Variants in LARP1B observed in about 807,000 individuals in gnomAD.
LARP1B encodes the protein La ribonucleoprotein 1B, also known as la-related protein 1B.
A neutral mutation model predicts 114.2 loss-of-function variants in LARP1B; 76 were observed. The observed-to-expected ratio is 0.67, with a 90% CI of 0.55 to 0.81. LARP1B has a LOEUF of 0.81. Among genes scored for constraint, LARP1B ranks in the 30% least tolerant of loss-of-function variants. The probability of loss-of-function intolerance (pLI) is 0.00; values close to 1 mark genes in which losing one functional copy is unlikely to be tolerated. For missense variants in LARP1B, 1,014 were observed against 1,075.8 expected (o/e 0.94, Z 0.80); for synonymous variants, 345 against 348.0 (o/e 0.99, Z 0.10).
chr4:128,202,397 A>G (rs1389119961), intron 17 of LARP1B, among the ~76,000 whole-genome samples: 1 of 151,770 alleles, frequency 6.6e-6, no homozygotes, highest in Non-Finnish European at 1.5e-5. Context: ...ATTCATACAT[A>G]TGAATTTAAT....
intron 5 of LARP1B, among the ~76,000 whole-genome samples, chr4:128,084,013 C>T (rs1391884254): frequency 6.6e-6 from 1 of 152,000 alleles, no homozygotes; most frequent in Non-Finnish European, 1.5e-5. Context: ...GTGCTCCCCA[C>T]ATCTCAGACG....
intron 11 of LARP1B, among the ~76,000 whole-genome samples, chr4:128,129,510 A>G (rs1000427267): frequency 6.6e-6 from 1 of 152,170 alleles, no homozygotes. Flanking sequence ...AGTATACCCA[A>G]TCAAAATCCC....
At position 128,122,066 on chromosome 4, in the gene LARP1B, G is replaced by A. The variant is rs986596199; in HGVS notation, c.1402G>A (p.Gly468Ser). 1.2e-6 allele frequency: 2 copies of A among 1,614,032 alleles called. No individual in the cohort carries two copies. Among genetic ancestry groups the A allele is most frequent in the African/African-American group, 1.3e-5 (1 of 75,028 alleles). ...VKKHPGGDRTGTHMSRAKITS... is the reference protein window; with the variant it reads ...VKKHPGGDRTSTHMSRAKITS... ...AAAACATCCTGGAGGAGATCGAACA[G>A]GCACCCACATGTCTCGGGCAAAAAT... Residue 468 changes from glycine to serine, a missense_variant, in exon 11 of 20, where the codon GGC becomes AGC. Physicochemically the swap from Gly to Ser is moderately conservative, Grantham distance 56. Coordinates refer to ENST00000326639, the MANE Select transcript of LARP1B (RefSeq NM_018078.4).
chr4:128,219,684 T>C (rs1327633294), intron 6 of LARP1B, among the ~76,000 whole-genome samples: 13 of 136,990 alleles, frequency 9.5e-5, no homozygotes, highest in African/African-American at 3.5e-4. Flanking sequence ...TTGGGAGATA[T>C]ACCTAATGCT....
intron 1 of LARP1B, among the ~76,000 whole-genome samples, chr4:128,062,705 TC>T (rs1214036590): frequency 6.8e-6 from 1 of 146,486 alleles, no homozygotes; most frequent in Admixed American, 7.2e-5. Context: ...AAAAAGGTTT[TC>T]AAAACACTGC....
At chr4:128,098,950 G>C (rs1243708457) in intron 8 of LARP1B, among the ~76,000 whole-genome samples, 2 of 149,830 alleles carry the variant, frequency 1.3e-5, no homozygotes, top group Non-Finnish European at 3.0e-5. Flanking sequence ...GCTAATTTTT[G>C]TATTTTTATT....
chr4:128,213,729 C>T (rs996316658), downstream of LARP1B, among the ~76,000 whole-genome samples: 5 of 152,202 alleles, frequency 3.3e-5, no homozygotes, highest in African/African-American at 1.2e-4. Context: ...AACTCCTCCT[C>T]CTCCTTTTAA....
chr4:128,099,294 T>C (rs1008998336), intron 8 of LARP1B, among the ~76,000 whole-genome samples: 8 of 150,672 alleles, frequency 5.3e-5, no homozygotes, highest in Admixed American at 2.0e-4. Context: ...TTCTTTCTTT[T>C]TTTTTTTTTT....
intron 9 of LARP1B, chr4:128,107,894 A>G: frequency 6.5e-7 from 1 of 1,536,058 alleles, no homozygotes; most frequent in East Asian, 2.4e-5. Context: ...CAGGGTGATG[A>G]TCTTCTGAAG....
chr4:128,112,092 G>A (rs145293354), intron 9 of LARP1B, among the ~76,000 whole-genome samples: 482 of 151,978 alleles, frequency 3.2e-3, no homozygotes, highest in Non-Finnish European at 4.3e-3. Context: ...GACAATTAAT[G>A]TTCATCCAAA....
Position 128,091,369 on chromosome 4 carries a change from T to G in LARP1B, c.525T>G (p.Gly175=), listed in dbSNP as rs1303700953. The stretch of plus-strand genomic sequence containing the variant: ...AAGTGAACTTTGATTATTCATATGG[T>G]TATCAAGAACATGGTGAAAGGACTG... The part of the protein sequence containing the change: ...NPRLNFDYSY[G]YQEHGERTDQ... Residue 175 remains glycine, a synonymous_variant, in exon 7 of 20, where the codon GGT becomes GGG. Coordinates refer to ENST00000326639, the MANE Select transcript of LARP1B (RefSeq NM_018078.4). 1 of 1,611,300 alleles carries G rather than the reference T, an allele frequency of 6.2e-7. No individual in the cohort carries two copies. Among genetic ancestry groups the G allele is most frequent in the African/African-American group, 1.3e-5 (1 of 74,852 alleles).
At chr4:128,090,320 C>G (rs1288785457) in intron 5 of LARP1B, among the ~76,000 whole-genome samples, 2 of 152,060 alleles carry the variant, frequency 1.3e-5, no homozygotes, top group African/African-American at 4.8e-5. Flanking sequence ...TGATCCGCCC[C>G]CCTTGGCCTC....
At chr4:128,155,347 A>C (rs1282169231) in intron 11 of LARP1B, 6 of 541,136 alleles carry the variant, frequency 1.1e-5, no homozygotes, top group Non-Finnish European at 2.0e-5. Flanking sequence ...AGAGAGTCGG[A>C]AGCCAGCGGC....
At chr4:128,126,669 C>T (rs1789719211) in intron 11 of LARP1B, among the ~76,000 whole-genome samples, 1 of 151,972 alleles carries the variant, frequency 6.6e-6, no homozygotes, top group African/African-American at 2.4e-5. Flanking sequence ...CAGAAATTTC[C>T]ACAGAGTAGC....
At chr4:128,159,217 C>T (rs1198472960) in intron 11 of LARP1B, among the ~76,000 whole-genome samples, 2 of 150,494 alleles carry the variant, frequency 1.3e-5, no homozygotes, top group African/African-American at 4.9e-5. Flanking sequence ...AATATTAAAA[C>T]AAGAAAATAG....
intron 12 of LARP1B, among the ~76,000 whole-genome samples, chr4:128,166,039 A>G (rs534052603): frequency 2.0e-5 from 3 of 152,190 alleles, no homozygotes; most frequent in East Asian, 1.9e-4. Context: ...CCAGACCTCC[A>G]TCCTGTATTT....
At chr4:128,214,114 C>T (rs549706072), downstream of LARP1B, among the ~76,000 whole-genome samples, 22 of 134,636 alleles carry the variant, frequency 1.6e-4, no homozygotes, top group South Asian at 5.2e-3. Flanking sequence ...AAACGGCGCA[C>T]CACGAGACTA....
At chr4:128,174,479 TAATC>T (rs889411209) in intron 12 of LARP1B, among the ~76,000 whole-genome samples, 37 of 152,226 alleles carry the variant, frequency 2.4e-4, no homozygotes, top group African/African-American at 8.4e-4. Context: ...TCTTTTGAGA[TAATC>T]AACATACTCT....
chr4:128,144,733 T>C (rs1049659026), intron 11 of LARP1B, among the ~76,000 whole-genome samples: 2 of 152,154 alleles, frequency 1.3e-5, no homozygotes, highest in Non-Finnish European at 2.9e-5. Context: ...TCATTCTATT[T>C]TTAGGCCCGT....
Sources: allele counts gnomAD v4.1 joint callset (sites outside exome capture counted in the v4.1 genomes callset), GRCh38; gene constraint gnomAD v4.1.1; transcripts MANE v1.5; gene names NCBI Gene and HGNC (gene_info 2026-07-23, HGNC 2026-07-21).